The following BCL7A variants were observed in gnomAD, a reference collection of about 807,000 sequenced individuals.
The protein encoded by BCL7A is BAF chromatin remodeling complex subunit BCL7A, also known as B-cell CLL/lymphoma 7 protein family member A.
A neutral mutation model predicts 28.4 loss-of-function variants in BCL7A; 11 were observed. The ratio of observed to expected loss-of-function variants is 0.39; its 90% CI spans 0.24 to 0.64. The LOEUF (loss-of-function observed/expected upper bound fraction) is 0.64. Among genes scored for constraint, BCL7A ranks in the 30% least tolerant of loss-of-function variants. The pLI is 0.50. For missense variants in BCL7A, 222 were observed against 274.8 expected, an observed-to-expected ratio of 0.81 and a Z score of 1.36; for synonymous variants, 123 against 103.3, an observed-to-expected ratio of 1.19 and a Z score of -1.15.
At chr12:122,039,514 T>A (rs1467161721) in intron 3 of BCL7A, among the ~76,000 whole-genome samples, 2 of 140,598 alleles carry the variant, frequency 1.4e-5, no homozygotes, top group Non-Finnish European at 3.0e-5. Context: ...ATAATATATA[T>A]ATTATATATA....
At chr12:122,050,770 T>G (rs1216568312) in intron 4 of BCL7A, among the ~76,000 whole-genome samples, 1 of 152,226 alleles carries the variant, frequency 6.6e-6, no homozygotes, top group Non-Finnish European at 1.5e-5. Flanking sequence ...CACTCCAGCT[T>G]GGGCGACAGA....
At chr12:122,023,943 G>A (rs1593020258) in intron 1 of BCL7A, among the ~76,000 whole-genome samples, 1 of 152,288 alleles carries the variant, frequency 6.6e-6, no homozygotes, top group African/African-American at 2.4e-5. Flanking sequence ...CTCTGCTCGA[G>A]GAGGCGTGGT....
chr12:122,022,746 C>T (rs944962853), intron 1 of BCL7A, among the ~76,000 whole-genome samples: 5 of 150,558 alleles, frequency 3.3e-5, no homozygotes, highest in Admixed American at 6.6e-5. Flanking sequence ...GCCCTCGAGT[C>T]TGCGGAGTTT....
chr12:122,047,483 C>G (rs144713920), intron 4 of BCL7A, among the ~76,000 whole-genome samples: 5,209 of 151,834 alleles, frequency 0.034, 146 homozygotes, highest in Non-Finnish European at 0.055. Context: ...GAGATCGCAC[C>G]ACTGCACTCC....
intron 3 of BCL7A, among the ~76,000 whole-genome samples, chr12:122,036,994 C>T (rs1241748397): frequency 5.3e-5 from 8 of 152,160 alleles, no homozygotes; most frequent in African/African-American, 1.9e-4. Context: ...TGTGAGCCAC[C>T]GCACCCGTCC....
intron 4 of BCL7A, among the ~76,000 whole-genome samples, chr12:122,044,718 C>G (rs1159055909): frequency 1.3e-5 from 2 of 151,710 alleles, no homozygotes; most frequent in South Asian, 4.2e-4. Context: ...CCCAGCTACT[C>G]AAGAGGCTGA....
chr12:122,059,718 A>G lies in BCL7A; in HGVS notation c.*555A>G. 1 of 232,082 alleles carries G rather than the reference A, an allele frequency of 4.3e-6. No homozygotes were observed. The highest frequency in any genetic ancestry group is 6.1e-5 in the East Asian group (1 of 16,400). 14.4% of individuals were successfully genotyped at this position (232,082 alleles called of 1,614,324 possible). The stretch of plus-strand genomic sequence containing the variant: ...GCTCTCCTCCCTGCCCCAGGACTTC[A>G]TCGGAGCAGGCAGGGTGGAGCGAAG... On this transcript the variant is annotated 3_prime_UTR_variant, in exon 6 of 6. Coordinates refer to ENST00000261822, the MANE Select transcript of BCL7A (RefSeq NM_001024808.3). This position sits in a 1 kb window ranked among gnomAD's most constrained non-coding sequence, Gnocchi z 4.0.
intron 3 of BCL7A, among the ~76,000 whole-genome samples, chr12:122,037,772 C>T (rs747073664): frequency 6.6e-5 from 10 of 152,076 alleles, no homozygotes; most frequent in Admixed American, 5.9e-4. Context: ...CATGGAGAAG[C>T]CCTGTCTCTA....
At chr12:122,042,031 G>A (rs557625838) in intron 3 of BCL7A, among the ~76,000 whole-genome samples, 4 of 152,264 alleles carry the variant, frequency 2.6e-5, no homozygotes, top group South Asian at 2.1e-4. Flanking sequence ...AGCCGAGATC[G>A]CGCCACCGCA....
chr12:122,046,230 A>G (rs1916335), intron 4 of BCL7A, among the ~76,000 whole-genome samples: 104,804 of 151,876 alleles, frequency 0.69, 36,688 homozygotes, highest in African/African-American at 0.81. Flanking sequence ...ACCTGAGGGC[A>G]ACTCTGGGCA....
intron 1 of BCL7A, 38 bp downstream of exon 1, chr12:122,022,221 C>G: frequency 7.3e-7 from 1 of 1,366,348 alleles, no homozygotes; most frequent in South Asian, 1.3e-5. Context: ...CCTCCCCGGC[C>G]GCCCCGAGCC....
Position 122,060,340 on chromosome 12 carries a change from G to A in BCL7A, c.*1177G>A, listed in dbSNP as rs1446099905. 1.4e-4 allele frequency: 33 copies of A among 232,478 alleles called. No individual in the cohort carries two copies. In the East Asian group the frequency reaches 1.8e-3, roughly 13 times the overall value. The allele number at this position is 232,478 out of a possible 1,614,324, so 14.4% of individuals were successfully genotyped here. A position where few individuals can be genotyped will look rare whatever the true frequency, so the allele number is the denominator to read the frequency against. On this transcript the variant is annotated 3_prime_UTR_variant, in exon 6 of 6. Coordinates refer to ENST00000261822, the MANE Select transcript of BCL7A (RefSeq NM_001024808.3). Reference sequence around the variant, plus strand: ...CCAGAACATGCCGTCTGTCCCCACCGGGGAGTGGGCCTTGATGGCCGGGCC... The same window carrying A: ...CCAGAACATGCCGTCTGTCCCCACCAGGGAGTGGGCCTTGATGGCCGGGCC...
intron 3 of BCL7A, among the ~76,000 whole-genome samples, chr12:122,041,497 G>T (rs1293333476): frequency 6.6e-6 from 1 of 152,174 alleles, no homozygotes; most frequent in South Asian, 2.1e-4. Context: ...GGGCACAGTG[G>T]CTCAGGCCTA....
chr12:122,060,132 G>A lies in BCL7A; in HGVS notation c.*969G>A, dbSNP rs967068655. 8.6e-6 allele frequency: 2 copies of A among 233,168 alleles called. No individual in the cohort carries two copies. Among genetic ancestry groups the A allele is most frequent in the Non-Finnish European group, 1.7e-5 (2 of 117,806 alleles). 14.4% of individuals were successfully genotyped at this position (233,168 alleles called of 1,614,324 possible). On this transcript the variant is annotated 3_prime_UTR_variant, in exon 6 of 6. Transcript: ENST00000261822. ...GGAGCCGGCGGCAGGATTAGCTGGT[G>A]CTGAACTTTCTCTCATAGGACGTCG...
intron 5 of BCL7A, among the ~76,000 whole-genome samples, chr12:122,057,709 C>G (rs182025998): frequency 3.0e-4 from 45 of 152,298 alleles, no homozygotes; most frequent in African/African-American, 1.1e-3. Flanking sequence ...TAAACCTTTT[C>G]TGGTGTCCTG....
At chr12:122,024,298 G>T (rs1883561444) in intron 1 of BCL7A, among the ~76,000 whole-genome samples, 1 of 152,288 alleles carries the variant, frequency 6.6e-6, no homozygotes, top group East Asian at 1.9e-4. Context: ...TCTAACCATG[G>T]TGACCCGGGG....
intron 1 of BCL7A, among the ~76,000 whole-genome samples, chr12:122,028,618 GTC>G (rs1883677719): frequency 6.6e-6 from 1 of 152,170 alleles, no homozygotes; most frequent in African/African-American, 2.4e-5. Context: ...AGGAGGTGGT[GTC>G]TGGGGTCCGA....
intron 4 of BCL7A, among the ~76,000 whole-genome samples, chr12:122,050,303 G>C (rs999700384): frequency 4.8e-5 from 6 of 124,402 alleles, no homozygotes; most frequent in Non-Finnish European, 1.1e-4. Flanking sequence ...TATTGTGGGG[G>C]GGGGGCCATC....
intron 5 of BCL7A, among the ~76,000 whole-genome samples, chr12:122,056,446 CT>C (rs1444088357): frequency 6.6e-6 from 1 of 152,072 alleles, no homozygotes; most frequent in Admixed American, 6.6e-5. Flanking sequence ...GTCCACAGAG[CT>C]AGGTGTGTGA....
Sources: allele counts gnomAD v4.1 joint callset (sites outside exome capture counted in the v4.1 genomes callset), GRCh38; gene constraint gnomAD v4.1.1; non-coding constraint Gnocchi (gnomAD v3.1); transcripts MANE v1.5; gene names NCBI Gene and HGNC (gene_info 2026-07-23, HGNC 2026-07-21).